The following TAOK3 variants were observed in gnomAD, a reference collection of about 807,000 sequenced individuals.
TAOK3 encodes the protein serine/threonine-protein kinase TAO3.
TAOK3 carries 40 observed loss-of-function variants against 120.4 expected under a neutral mutation model. The observed-to-expected ratio is 0.33, with a 90% CI of 0.26 to 0.43. The LOEUF (loss-of-function observed/expected upper bound fraction) is 0.43. Among genes scored for constraint, TAOK3 ranks in the 20% least tolerant of loss-of-function variants. The pLI is 1.00. For synonymous variants in TAOK3, 355 were observed against 387.5 expected (o/e 0.92, Z 0.99); for missense variants, 821 against 1,112.1 (o/e 0.74, Z 3.72).
chr12:118,187,311 C>A (rs564313223), intron 14 of TAOK3, among the ~76,000 whole-genome samples: 22 of 152,102 alleles, frequency 1.4e-4, no homozygotes, highest in Non-Finnish European at 2.4e-4. Flanking sequence ...TTATACTGGA[C>A]TTTCACTTTC....
chr12:118,244,560 G>A (rs2040403782), intron 4 of TAOK3, among the ~76,000 whole-genome samples: 2 of 126,842 alleles, frequency 1.6e-5, no homozygotes, highest in Non-Finnish European at 3.2e-5. Flanking sequence ...ACAGAGCCTC[G>A]CTCTGTCACC....
chr12:118,249,183 AACTT>A (rs2040643523), intron 3 of TAOK3, among the ~76,000 whole-genome samples: 2 of 152,198 alleles, frequency 1.3e-5, no homozygotes. Flanking sequence ...ACTTATTAAG[AACTT>A]ACTATTATGT....
Position 118,210,122 on chromosome 12 carries a change from C to T in TAOK3, c.819+2792G>A, listed in dbSNP as rs528603152. 2.6e-5 allele frequency among the ~76,000 whole-genome samples: 4 copies of T among 152,268 alleles called. No individual in the cohort carries two copies. In the South Asian group the frequency reaches 8.3e-4, roughly 32 times the overall value. On this transcript the variant is annotated intron_variant, in intron 11 of 20. Transcript: ENST00000392533. ...TAAATAAGTATTTGGGGAGGGGCCT[C>T]TTTAAATTCAATATTTACCATCAGC...
intron 1 of TAOK3, among the ~76,000 whole-genome samples, chr12:118,352,872 G>A (rs2045235646): frequency 6.6e-6 from 1 of 151,976 alleles, no homozygotes; most frequent in African/African-American, 2.4e-5. Context: ...CACCATGCCT[G>A]GCTAGTTTTG....
At chr12:118,293,846 T>G (rs2042576122) in intron 1 of TAOK3, among the ~76,000 whole-genome samples, 2 of 151,368 alleles carry the variant, frequency 1.3e-5, no homozygotes, top group African/African-American at 2.4e-5. Flanking sequence ...AAACCCTGTC[T>G]CTACTAAAAA....
intron 1 of TAOK3, among the ~76,000 whole-genome samples, chr12:118,304,700 C>T (rs927986954): frequency 6.6e-6 from 1 of 152,078 alleles, no homozygotes; most frequent in East Asian, 1.9e-4. Flanking sequence ...TCAGTTTGTC[C>T]TAATTTGTGA....
At chr12:118,152,110 G>C in intron 20 of TAOK3, 117 bp downstream of exon 20, 1 of 958,388 alleles carries the variant, frequency 1.0e-6, no homozygotes, top group Non-Finnish European at 1.6e-6. Flanking sequence ...GCATAAAGCA[G>C]ATAAGTGAAA....
Position 118,201,442 on chromosome 12 carries a change from G to A in TAOK3, c.841C>T (p.Arg281Trp), listed in dbSNP as rs537291817. Residue 281 changes from arginine to tryptophan, a missense_variant, in exon 12 of 21, where the codon CGG becomes TGG. Around this residue, in one of 2 missense-constraint regions of TAOK3, gnomAD observed 467 missense variants for 540.0 expected, o/e 0.86. Coordinates refer to ENST00000392533, the MANE Select transcript of TAOK3 (RefSeq NM_016281.4). ...AGGTCAATGAGGACACGTAGTGGCC[G>A]GTCTCGTCGAACAAAGTCATGCTGA... ...LLRHDFVRRD[R>W]PLRVLIDLIQ... 25 of 1,610,062 alleles carry A rather than the reference G, an allele frequency of 1.6e-5. No individual in the cohort carries two copies. Among genetic ancestry groups the A allele is most frequent in the African/African-American group, 2.7e-5 (2 of 74,832 alleles).
chr12:118,204,009 T>C (rs755213219), intron 11 of TAOK3, among the ~76,000 whole-genome samples: 8 of 152,242 alleles, frequency 5.3e-5, no homozygotes, highest in South Asian at 4.1e-4. Context: ...CTCACATCTG[T>C]AATCCCAGCA....
At chr12:118,166,908 G>T (rs2035637483) in intron 17 of TAOK3, among the ~76,000 whole-genome samples, 1 of 150,712 alleles carries the variant, frequency 6.6e-6, no homozygotes, top group Non-Finnish European at 1.5e-5. Context: ...TAAGATACAT[G>T]CAGCTTCCTT....
chr12:118,281,765 A>T (rs2042107512), intron 1 of TAOK3, among the ~76,000 whole-genome samples: 2 of 152,022 alleles, frequency 1.3e-5, no homozygotes, highest in African/African-American at 4.8e-5. Flanking sequence ...AAAAAAAAAA[A>T]AGAAAAAAAT....
At chr12:118,340,776 T>TAA (rs1323607735) in intron 1 of TAOK3, among the ~76,000 whole-genome samples, 20 of 122,752 alleles carry the variant, frequency 1.6e-4, no homozygotes, top group East Asian at 2.3e-4. Context: ...ATAAGAACCA[T>TAA]AAAAAAAAAA....
At chr12:118,168,986 TTCCTTCCTTCCTTCC>T (rs200357318) in intron 17 of TAOK3, among the ~76,000 whole-genome samples, 1,848 of 134,860 alleles carry the variant, frequency 0.014, 55 homozygotes, top group East Asian at 0.069. Context: ...CCTTCCTTCC[TTCCTTCCTTCCTTCC>T]TTTCTTTCTT....
At chr12:118,169,140 A>T (rs895468148) in intron 17 of TAOK3, among the ~76,000 whole-genome samples, 1 of 151,988 alleles carries the variant, frequency 6.6e-6, no homozygotes, top group African/African-American at 2.4e-5. Context: ...CAGCCTCCCA[A>T]GTAGCTGGGA....
At chr12:118,370,103 G>A (rs2045856050) in intron 1 of TAOK3, among the ~76,000 whole-genome samples, 1 of 152,136 alleles carries the variant, frequency 6.6e-6, no homozygotes, top group Admixed American at 6.6e-5. Flanking sequence ...TCCATCTCCT[G>A]ACCTTGTGAT....
chr12:118,246,674 T>G, intron 3 of TAOK3: 1 of 1,573,016 alleles, frequency 6.4e-7, no homozygotes, highest in Non-Finnish European at 8.6e-7. Context: ...GCCTCATCCC[T>G]GCACCCAGGG....
intron 1 of TAOK3, among the ~76,000 whole-genome samples, chr12:118,360,491 C>G (rs1177688766): frequency 6.9e-6 from 1 of 145,700 alleles, no homozygotes; most frequent in Non-Finnish European, 1.5e-5. Context: ...TGGCGTGAAC[C>G]AGGAAGGCGG....
rs1002750282 is a variant in TAOK3 at position 118,372,151 on chromosome 12, C to A, written c.-194+497G>T. Among the ~76,000 whole-genome samples the A allele has an allele frequency of 5.9e-5, 9 of 151,484 alleles. No individual in the cohort carries two copies. Among genetic ancestry groups the A allele is most frequent in the Non-Finnish European group, 1.2e-4 (8 of 67,790 alleles). ...TCCTGGATTCTCTCTGGGTCCCCTC[C>A]CCTCACCTCGGGGTCTCCTCTCCCC... On this transcript the variant is annotated intron_variant, in intron 1 of 20. Transcript: ENST00000392533. This position sits in a 1 kb window ranked among gnomAD's most constrained non-coding sequence, Gnocchi z 4.6.
At chr12:118,316,767 A>G (rs758788541) in intron 1 of TAOK3, among the ~76,000 whole-genome samples, 1 of 152,112 alleles carries the variant, frequency 6.6e-6, no homozygotes, top group Non-Finnish European at 1.5e-5. Context: ...TCTACAAACT[A>G]CTAGAGCTAT....
Sources: gnomAD v4.1 joint callset for allele counts (sites outside exome capture counted in the v4.1 genomes callset) on GRCh38, gnomAD v4.1.1 for gene constraint, gnomAD v4.1.1 regional missense constraint, Gnocchi (gnomAD v3.1) non-coding constraint, MANE v1.5 for transcripts, NCBI Gene and HGNC (gene_info 2026-07-23, HGNC 2026-07-21) for gene names.